PTPRM: variants seen among roughly 807,000 people sequenced by gnomAD.
PTPRM encodes the protein receptor-type tyrosine-protein phosphatase mu.
Under a neutral mutation model 186.7 loss-of-function variants are expected in PTPRM, and 47 were observed. The observed-to-expected ratio is 0.25, with a 90% CI of 0.20 to 0.32. The LOEUF is 0.32. Among genes scored for constraint, PTPRM ranks in the 10% least tolerant of loss-of-function variants. PTPRM has a pLI of 1.00. For missense variants in PTPRM, 1,494 were observed against 1,865.0 expected (o/e 0.80, Z 3.66); for synonymous variants, 668 against 674.9 (o/e 0.99, Z 0.16).
intron 14 of PTPRM, among the ~76,000 whole-genome samples, chr18:8,163,279 C>T (rs1484849915): frequency 6.6e-6 from 1 of 152,194 alleles, no homozygotes; most frequent in African/African-American, 2.4e-5. Context: ...TTCCTAACTT[C>T]TAAAGTTGTG....
intron 5 of PTPRM, among the ~76,000 whole-genome samples, chr18:7,941,738 C>T (rs2052188745): frequency 6.6e-6 from 1 of 152,208 alleles, no homozygotes. Context: ...TGGTCGCTTG[C>T]ATGTTTCTAG....
chr18:8,243,311 C>A (rs1426052710), intron 14 of PTPRM, among the ~76,000 whole-genome samples: 1 of 152,120 alleles, frequency 6.6e-6, no homozygotes, highest in East Asian at 1.9e-4. Flanking sequence ...AACAAAGAAG[C>A]CTTACTCCTG....
At chr18:7,601,495 C>T (rs750746856) in intron 1 of PTPRM, among the ~76,000 whole-genome samples, 3 of 152,354 alleles carry the variant, frequency 2.0e-5, no homozygotes, top group Non-Finnish European at 4.4e-5. Context: ...GGAGACACCC[C>T]GTTCCGGGCC....
At chr18:7,684,817 A>G (rs2039562154) in intron 1 of PTPRM, among the ~76,000 whole-genome samples, 1 of 152,208 alleles carries the variant, frequency 6.6e-6, no homozygotes, top group African/African-American at 2.4e-5. Context: ...GGGAGTACTA[A>G]TAGCTCTTCA....
intron 3 of PTPRM, among the ~76,000 whole-genome samples, chr18:7,890,466 C>T (rs368531410): frequency 1.1e-4 from 17 of 151,974 alleles, no homozygotes; most frequent in African/African-American, 3.6e-4. Flanking sequence ...TCTTTGTAGG[C>T]ATATACCTAC....
chr18:8,245,773 A>G (rs904664677), intron 15 of PTPRM, among the ~76,000 whole-genome samples: 16 of 152,178 alleles, frequency 1.1e-4, no homozygotes, highest in African/African-American at 3.9e-4. Context: ...TTCCTCAAGA[A>G]TCAATTTACT....
chr18:8,229,266 G>A (rs911173694), intron 14 of PTPRM, among the ~76,000 whole-genome samples: 2 of 152,148 alleles, frequency 1.3e-5, no homozygotes, highest in Admixed American at 1.3e-4. Context: ...CAGCTGGCAC[G>A]TGATGTTTGC....
intron 7 of PTPRM, among the ~76,000 whole-genome samples, chr18:8,052,308 G>T (rs1267216074): frequency 3.9e-5 from 6 of 152,088 alleles, no homozygotes; most frequent in Non-Finnish European, 8.8e-5. Flanking sequence ...GTTTTATAGG[G>T]TCATGTGTTG....
At chr18:7,842,599 G>A (rs1343503149) in intron 2 of PTPRM, among the ~76,000 whole-genome samples, 2 of 152,032 alleles carry the variant, frequency 1.3e-5, no homozygotes, top group East Asian at 1.9e-4. Context: ...CATAATATGG[G>A]TGAGCCTCAT....
At chr18:8,367,300 T>TGTTCTGGGCCCGCCC (rs1354418408) in intron 23 of PTPRM, among the ~76,000 whole-genome samples, 4 of 152,170 alleles carry the variant, frequency 2.6e-5, no homozygotes, top group Non-Finnish European at 4.4e-5. Flanking sequence ...CTGGGCCGCC[T>TGTTCTGGGCCCGCCC]GTTCTGGGCC....
chr18:7,759,529 G>A (rs1420688042), intron 1 of PTPRM, among the ~76,000 whole-genome samples: 1 of 152,018 alleles, frequency 6.6e-6, no homozygotes, highest in Admixed American at 6.6e-5. Flanking sequence ...GCTCATCCCA[G>A]GCATATTATG....
intron 4 of PTPRM, among the ~76,000 whole-genome samples, chr18:7,924,134 A>G (rs1221731897): frequency 6.6e-6 from 1 of 152,192 alleles, no homozygotes; most frequent in East Asian, 1.9e-4. Context: ...TTCAGTGATG[A>G]TAGTAGTGTC....
intron 9 of PTPRM, among the ~76,000 whole-genome samples, chr18:8,082,138 T>C (rs974305317): frequency 3.3e-5 from 5 of 152,014 alleles, no homozygotes; most frequent in African/African-American, 1.2e-4. Context: ...TTTAGGAAAA[T>C]AGATACTGAG....
rs368422701 is a variant in PTPRM, at chr18:7,894,539, T to C, written c.468+6162T>C. On this transcript the variant is annotated intron_variant, in intron 3 of 32. Transcript: ENST00000580170. Reference sequence around the variant, plus strand: ...AGGCAGAGCTTGCAGTGAGCCGAGATTGCGCCACTGCACTCCAGCCTAGGG... The same window carrying C: ...AGGCAGAGCTTGCAGTGAGCCGAGACTGCGCCACTGCACTCCAGCCTAGGG... Among the ~76,000 whole-genome samples, 54 of 152,064 alleles carry C rather than the reference T, an allele frequency of 3.6e-4. No homozygotes were observed. In the South Asian group the frequency reaches 7.1e-3, roughly 20 times the overall value.
chr18:7,635,771 T>C (rs1307132715), intron 1 of PTPRM, among the ~76,000 whole-genome samples: 1 of 152,206 alleles, frequency 6.6e-6, no homozygotes. Context: ...AGAACGAGTC[T>C]CTGGGGATGA....
At chr18:7,952,742 A>G (rs191743890) in intron 6 of PTPRM, among the ~76,000 whole-genome samples, 1 of 152,008 alleles carries the variant, frequency 6.6e-6, no homozygotes, top group Non-Finnish European at 1.5e-5. Context: ...GTGGTGGCTC[A>G]TGCCTATAAT....
intron 1 of PTPRM, among the ~76,000 whole-genome samples, chr18:7,703,784 A>G (rs2040016692): frequency 6.6e-6 from 1 of 152,192 alleles, no homozygotes; most frequent in Admixed American, 6.5e-5. Context: ...GCTTTTGCCC[A>G]TTCAGTATGA....
intron 12 of PTPRM, among the ~76,000 whole-genome samples, chr18:8,114,503 T>C (rs1179459334): frequency 1.3e-5 from 2 of 152,130 alleles, no homozygotes; most frequent in African/African-American, 2.4e-5. Context: ...ACAGATCTGG[T>C]CCTTTACTTT....
chr18:7,707,939 C>T (rs142867418), intron 1 of PTPRM, among the ~76,000 whole-genome samples: 232 of 152,264 alleles, frequency 1.5e-3, no homozygotes, highest in African/African-American at 5.0e-3. Context: ...ACACAGTGAT[C>T]CCAAAAGTTG....
Sources: gnomAD v4.1 joint callset for allele counts (sites outside exome capture counted in the v4.1 genomes callset) on GRCh38, gnomAD v4.1.1 for gene constraint, MANE v1.5 for transcripts, NCBI Gene and HGNC (gene_info 2026-07-23, HGNC 2026-07-21) for gene names.